SLC35F1: variants seen among roughly 807,000 people sequenced by gnomAD.
The protein encoded by SLC35F1 is solute carrier family 35 member F1.
Under a neutral mutation model 48.7 loss-of-function variants are expected in SLC35F1, and 14 were observed. That is an observed-to-expected ratio of 0.29 (90% CI 0.19 to 0.45). SLC35F1 has a LOEUF of 0.45. SLC35F1 is among the 20% of genes least tolerant of loss of function. The pLI, the probability that SLC35F1 is intolerant of heterozygous loss-of-function variation, is 1.00. For synonymous variants in SLC35F1, 190 were observed against 202.2 expected, an observed-to-expected ratio of 0.94 and a Z score of 0.51; for missense variants, 404 against 500.0, an observed-to-expected ratio of 0.81 and a Z score of 1.83.
At chr6:118,044,996 A>G (rs1473200745) in intron 1 of SLC35F1, among the ~76,000 whole-genome samples, 3 of 152,198 alleles carry the variant, frequency 2.0e-5, no homozygotes, top group African/African-American at 7.2e-5. Flanking sequence ...TAGTATGAAA[A>G]TGTATTTTAA....
chr6:118,311,333 AT>A (rs1046078064), intron 7 of SLC35F1, among the ~76,000 whole-genome samples: 1 of 152,140 alleles, frequency 6.6e-6, no homozygotes, highest in African/African-American at 2.4e-5. Context: ...GTACAGGCTG[AT>A]TTTTTATTAT....
Position 118,013,902 on chromosome 6 carries a change from G to T in SLC35F1, c.173+106003G>T, listed in dbSNP as rs1264951667. ...CACACTACATGCTGTGTGCACAATA[G>T]TTAATTAGGCACTTACAATACACCT... On this transcript the variant is annotated intron_variant, in intron 1 of 7. Coordinates refer to ENST00000360388, the MANE Select transcript of SLC35F1 (RefSeq NM_001029858.4). 3.9e-5 allele frequency among the ~76,000 whole-genome samples: 6 copies of T among 152,232 alleles called. No individual in the cohort carries two copies. The East Asian group carries it at 1.2e-3, about 29-fold the overall frequency.
At chr6:118,193,075 G>A (rs1232107956) in intron 2 of SLC35F1, among the ~76,000 whole-genome samples, 1 of 151,732 alleles carries the variant, frequency 6.6e-6, no homozygotes, top group African/African-American at 2.4e-5. Context: ...TTCTTTTTTC[G>A]GTAGTTTATT....
Position 118,232,740 on chromosome 6 carries a change from G to A in SLC35F1, c.350-2769G>A, listed in dbSNP as rs114010522. ...GAAAGGCCCAGAGACAAGAGAAAGCGTACTTTGGGCCAAATGTTCAGGTCA... is the reference window on the plus strand; with the variant it reads ...GAAAGGCCCAGAGACAAGAGAAAGCATACTTTGGGCCAAATGTTCAGGTCA... On this transcript the variant is annotated intron_variant, in intron 2 of 7. Transcript: ENST00000360388. Among the ~76,000 whole-genome samples the A allele has an allele frequency of 7.1e-3, 1,085 of 151,954 alleles. 14 individuals carry two copies. The highest frequency in any genetic ancestry group is 0.025 in the African/African-American group (1,031 of 41,422).
intron 1 of SLC35F1, among the ~76,000 whole-genome samples, chr6:118,135,557 G>C (rs556085567): frequency 4.6e-5 from 7 of 152,254 alleles, no homozygotes; most frequent in Admixed American, 1.3e-4. Context: ...CCTTCATTTG[G>C]CTTGGCTGCT....
intron 1 of SLC35F1, among the ~76,000 whole-genome samples, chr6:117,943,572 G>T (rs1417890493): frequency 6.6e-6 from 1 of 152,176 alleles, no homozygotes; most frequent in African/African-American, 2.4e-5. Context: ...TCAGTAGGAG[G>T]TCAGAAATAA....
At chr6:118,053,246 G>A (rs948038998) in intron 1 of SLC35F1, among the ~76,000 whole-genome samples, 1 of 152,056 alleles carries the variant, frequency 6.6e-6, no homozygotes, top group African/African-American at 2.4e-5. Context: ...GTGTTACTTT[G>A]CTGCTTCTTA....
At chr6:118,129,265 A>G (rs1184247164) in intron 1 of SLC35F1, among the ~76,000 whole-genome samples, 1 of 152,184 alleles carries the variant, frequency 6.6e-6, no homozygotes, top group African/African-American at 2.4e-5. Context: ...AGGTGGGGAG[A>G]TGAGAAGTGG....
intron 3 of SLC35F1, among the ~76,000 whole-genome samples, chr6:118,255,003 A>G (rs1775624497): frequency 6.6e-6 from 1 of 152,140 alleles, no homozygotes; most frequent in Non-Finnish European, 1.5e-5. Flanking sequence ...ACCAGTGACC[A>G]TTTTTCAATA....
intron 2 of SLC35F1, among the ~76,000 whole-genome samples, chr6:118,188,380 T>C (rs1325258025): frequency 2.6e-5 from 4 of 151,890 alleles, no homozygotes; most frequent in Admixed American, 6.6e-5. Context: ...TGAAACCCCG[T>C]CTCTACTAAA....
At chr6:118,055,872 G>A (rs1232589262) in intron 1 of SLC35F1, among the ~76,000 whole-genome samples, 1 of 152,196 alleles carries the variant, frequency 6.6e-6, no homozygotes, top group African/African-American at 2.4e-5. Context: ...GTGATTATCA[G>A]CACCTCCTGC....
chr6:118,061,988 C>T (rs1286261866), intron 1 of SLC35F1, among the ~76,000 whole-genome samples: 1 of 152,028 alleles, frequency 6.6e-6, no homozygotes, highest in Non-Finnish European at 1.5e-5. Context: ...TGAGAGTTGG[C>T]GACCCCTGGC....
chr6:118,023,255 A>G (rs1777421340), intron 1 of SLC35F1, among the ~76,000 whole-genome samples: 1 of 152,194 alleles, frequency 6.6e-6, no homozygotes, highest in Non-Finnish European at 1.5e-5. Flanking sequence ...AATTTGCTGG[A>G]CACAAATGCA....
chr6:118,030,109 C>T (rs942044139), intron 1 of SLC35F1, among the ~76,000 whole-genome samples: 4 of 152,134 alleles, frequency 2.6e-5, no homozygotes, highest in East Asian at 1.9e-4. Context: ...TTGAAGGAGG[C>T]GAGGAAGCAA....
At chr6:118,178,659 CCAGT>C (rs1256358182) in intron 2 of SLC35F1, among the ~76,000 whole-genome samples, 2 of 151,938 alleles carry the variant, frequency 1.3e-5, no homozygotes, top group African/African-American at 2.4e-5. Context: ...CTGCTCCTAC[CCAGT>C]CAACTACAGG....
intron 7 of SLC35F1, among the ~76,000 whole-genome samples, chr6:118,292,776 C>T (rs775932773): frequency 3.3e-5 from 5 of 151,948 alleles, no homozygotes; most frequent in East Asian, 1.9e-4. Context: ...CTGCCTCTTG[C>T]GCTGACTGCT....
chr6:118,042,788 C>G (rs1772244787), intron 1 of SLC35F1, among the ~76,000 whole-genome samples: 1 of 152,140 alleles, frequency 6.6e-6, no homozygotes, highest in Non-Finnish European at 1.5e-5. Flanking sequence ...AGAGACAATT[C>G]TGCCTTAGAA....
intron 1 of SLC35F1, among the ~76,000 whole-genome samples, chr6:118,043,840 T>G (rs1344561588): frequency 6.6e-6 from 1 of 152,230 alleles, no homozygotes; most frequent in East Asian, 1.9e-4. Flanking sequence ...GATCTACAGG[T>G]AAATAAATTG....
intron 1 of SLC35F1, among the ~76,000 whole-genome samples, chr6:118,012,396 T>C (rs1468758355): frequency 6.6e-6 from 1 of 151,906 alleles, no homozygotes; most frequent in Non-Finnish European, 1.5e-5. Context: ...AGAGTCTTCA[T>C]AGTGGCAGCA....
Sources: gnomAD v4.1 joint callset for allele counts (sites outside exome capture counted in the v4.1 genomes callset) on GRCh38, gnomAD v4.1.1 for gene constraint, MANE v1.5 for transcripts, NCBI Gene and HGNC (gene_info 2026-07-23, HGNC 2026-07-21) for gene names.